Variants in TAF4B observed in about 807,000 individuals in gnomAD.
The protein encoded by TAF4B is TATA-box binding protein associated factor 4b.
Under a neutral mutation model 86.4 loss-of-function variants are expected in TAF4B, and 38 were observed. The observed-to-expected ratio is 0.44, with a 90% CI of 0.34 to 0.58. The LOEUF is 0.58. Ranked by LOEUF, TAF4B falls within the 20% of genes least tolerant of loss-of-function variation. The probability of loss-of-function intolerance (pLI) is 0.02; values close to 1 mark genes in which losing one functional copy is unlikely to be tolerated. For synonymous variants in TAF4B, 388 were observed against 391.2 expected (o/e 0.99, Z 0.10); for missense variants, 988 against 1,027.6 (o/e 0.96, Z 0.53).
chr18:26,233,705 A>G (rs2055706437), intron 1 of TAF4B, among the ~76,000 whole-genome samples: 1 of 152,144 alleles, frequency 6.6e-6, no homozygotes, highest in Non-Finnish European at 1.5e-5. Flanking sequence ...TAGGACTTAA[A>G]CCACTTCCTC....
chr18:26,342,856 G>T (rs1425594333), intron 13 of TAF4B, among the ~76,000 whole-genome samples: 1 of 152,162 alleles, frequency 6.6e-6, no homozygotes, highest in Non-Finnish European at 1.5e-5. Flanking sequence ...TTGGAGCAAG[G>T]TGTTTGTTGC....
intron 13 of TAF4B, among the ~76,000 whole-genome samples, chr18:26,336,985 A>G (rs1292039085): frequency 6.6e-6 from 1 of 152,212 alleles, no homozygotes; most frequent in African/African-American, 2.4e-5. Flanking sequence ...TAGGTAGACA[A>G]CATTTTTCAA....
At chr18:26,359,172 C>T (rs2057312044) in intron 14 of TAF4B, among the ~76,000 whole-genome samples, 1 of 152,194 alleles carries the variant, frequency 6.6e-6, no homozygotes, top group South Asian at 2.1e-4. Flanking sequence ...CTCATTTCCA[C>T]AGTCTACCTC....
At chr18:26,264,369 AGGCG>A (rs2144536361) in intron 1 of TAF4B, among the ~76,000 whole-genome samples, 1 of 152,340 alleles carries the variant, frequency 6.6e-6, no homozygotes, top group Admixed American at 6.5e-5. Context: ...TGAACCCAGG[AGGCG>A]GAGGTTGCAG....
chr18:26,276,175 A>G (rs2056381951), intron 5 of TAF4B, among the ~76,000 whole-genome samples: 1 of 152,158 alleles, frequency 6.6e-6, no homozygotes. Context: ...CACTTTCCTT[A>G]TCTATAAGAT....
chr18:26,315,123 TC>T, intron 9 of TAF4B, 105 bp from the exon 10 acceptor site: 1 of 307,550 alleles, frequency 3.3e-6, no homozygotes, highest in Non-Finnish European at 5.0e-6. Context: ...TCTCTCTCTC[TC>T]TCTCTCTCTC....
intron 5 of TAF4B, among the ~76,000 whole-genome samples, chr18:26,279,778 C>T (rs2056425427): frequency 6.6e-6 from 1 of 152,090 alleles, no homozygotes; most frequent in African/African-American, 2.4e-5. Flanking sequence ...GTGGCTCACA[C>T]CTTTTATAAT....
intron 11 of TAF4B, 67 bp from the exon 12 acceptor site, chr18:26,326,948 C>G (rs2057009257): frequency 6.5e-7 from 1 of 1,534,524 alleles, no homozygotes; most frequent in Non-Finnish European, 8.8e-7. Flanking sequence ...CAGGTTTATA[C>G]AATACCTAAT....
At chr18:26,287,225 A>G (rs956455452) in intron 7 of TAF4B, among the ~76,000 whole-genome samples, 6 of 152,120 alleles carry the variant, frequency 3.9e-5, no homozygotes, top group South Asian at 2.1e-4. Flanking sequence ...GCTGGTCTCA[A>G]ACTCTTGGCC....
intron 12 of TAF4B, among the ~76,000 whole-genome samples, chr18:26,327,828 C>T (rs931004895): frequency 1.3e-5 from 2 of 152,234 alleles, no homozygotes; most frequent in South Asian, 2.1e-4. Context: ...TTGGGTGATC[C>T]GCCTGCCTTG....
At chr18:26,329,632 G>T (rs1034336598) in intron 12 of TAF4B, among the ~76,000 whole-genome samples, 1 of 152,150 alleles carries the variant, frequency 6.6e-6, no homozygotes, top group Non-Finnish European at 1.5e-5. Flanking sequence ...CCTTCTGTAG[G>T]ATGACCTTCA....
At chr18:26,310,924 A>T (rs1045442314) in intron 9 of TAF4B, among the ~76,000 whole-genome samples, 23 of 152,066 alleles carry the variant, frequency 1.5e-4, no homozygotes, top group African/African-American at 4.8e-4. Flanking sequence ...AGATGGTAAT[A>T]TATAATACAT....
At chr18:26,361,659 C>T (rs1388182442) in intron 14 of TAF4B, among the ~76,000 whole-genome samples, 1 of 149,630 alleles carries the variant, frequency 6.7e-6, no homozygotes, top group Non-Finnish European at 1.5e-5. Context: ...GCAGGAGAAT[C>T]ACTTGAACCC....
intron 6 of TAF4B, among the ~76,000 whole-genome samples, chr18:26,285,641 A>G (rs1598758465): frequency 1.3e-5 from 2 of 152,324 alleles, no homozygotes; most frequent in African/African-American, 2.4e-5. Flanking sequence ...TATTGAGGGA[A>G]TACAAATAAG....
chr18:26,235,834 T>C (rs1052672951), intron 1 of TAF4B, among the ~76,000 whole-genome samples: 2 of 152,234 alleles, frequency 1.3e-5, no homozygotes, highest in African/African-American at 2.4e-5. Flanking sequence ...GAGGAATTAC[T>C]GCCTCATTGA....
In TAF4B at chr18:26,387,190, C is replaced by T. The variant is rs559238352; in HGVS notation, c.2422-2655C>T. The stretch of plus-strand genomic sequence containing the variant: ...AAGCAGTTCTTCCACCTCAGTCTCC[C>T]GAGTAAGTGAGCTTACAGACGCACA... On this transcript the variant is annotated intron_variant, in intron 14 of 14. Coordinates refer to ENST00000269142, the MANE Select transcript of TAF4B (RefSeq NM_005640.3). Among the ~76,000 whole-genome samples the T allele has an allele frequency of 3.9e-5, 6 of 152,236 alleles. No individual in the cohort carries two copies. In the East Asian group the frequency reaches 5.8e-4, roughly 15 times the overall value.
intron 7 of TAF4B, 69 bp downstream of exon 7, chr18:26,286,568 G>A: frequency 6.7e-7 from 1 of 1,501,338 alleles, no homozygotes. Flanking sequence ...AAACTGGTAA[G>A]ACTAGTAGAA....
intron 14 of TAF4B, among the ~76,000 whole-genome samples, chr18:26,361,670 G>A (rs964223699): frequency 2.0e-5 from 3 of 150,954 alleles, no homozygotes; most frequent in Non-Finnish European, 4.4e-5. Flanking sequence ...ACTTGAACCC[G>A]GGAGGCGGAG....
At chr18:26,343,991 C>A (rs938004050) in intron 13 of TAF4B, among the ~76,000 whole-genome samples, 1 of 152,100 alleles carries the variant, frequency 6.6e-6, no homozygotes, top group Non-Finnish European at 1.5e-5. Context: ...GACAAACACA[C>A]TACTATAAAA....
Sources: allele counts gnomAD v4.1 joint callset (sites outside exome capture counted in the v4.1 genomes callset), GRCh38; gene constraint gnomAD v4.1.1; transcripts MANE v1.5; gene names NCBI Gene and HGNC (gene_info 2026-07-23, HGNC 2026-07-21).